The following TSHZ2 variants were observed in gnomAD, a reference collection of about 807,000 sequenced individuals.
TSHZ2 encodes teashirt zinc finger homeobox 2, also known as teashirt homolog 2.
TSHZ2 carries 21 observed loss-of-function variants against 74.4 expected under a neutral mutation model. That is an observed-to-expected ratio of 0.28 (90% CI 0.20 to 0.41). TSHZ2 has a LOEUF of 0.41. Among genes scored for constraint, TSHZ2 ranks in the 10% least tolerant of loss-of-function variants. TSHZ2 has a pLI of 1.00. For synonymous variants in TSHZ2, 540 were observed against 515.3 expected (o/e 1.05, Z -0.65); for missense variants, 1,244 against 1,293.5 (o/e 0.96, Z 0.59).
At chr20:53,095,927 A>G (rs986303861) in intron 1 of TSHZ2, among the ~76,000 whole-genome samples, 5 of 152,130 alleles carry the variant, frequency 3.3e-5, no homozygotes, top group Admixed American at 1.3e-4. Flanking sequence ...AGCCACTCCT[A>G]GGGCTGGGCT....
rs1985760047 is a variant in TSHZ2 at position 53,088,297 on chromosome 20, C to T, written c.40+114964C>T. On this transcript the variant is annotated intron_variant, in intron 1 of 2. Transcript: ENST00000371497. ...AGTGAACAGAATGTACACAATTCTGCTCTCATGGAATTTATAGTCTACTGG... is the reference window on the plus strand; with the variant it reads ...AGTGAACAGAATGTACACAATTCTGTTCTCATGGAATTTATAGTCTACTGG... Among the ~76,000 whole-genome samples, 5 of 152,140 alleles carry T rather than the reference C, an allele frequency of 3.3e-5. No homozygotes were observed. In the South Asian group the frequency reaches 1.0e-3, roughly 32 times the overall value.
intron 1 of TSHZ2, among the ~76,000 whole-genome samples, chr20:53,006,967 A>C (rs1020474111): frequency 6.6e-6 from 1 of 152,196 alleles, no homozygotes; most frequent in African/African-American, 2.4e-5. Flanking sequence ...GAGCACCTAC[A>C]ATGTGCAAGT....
intron 2 of TSHZ2, among the ~76,000 whole-genome samples, chr20:53,470,713 C>T (rs1480461096): frequency 3.9e-5 from 6 of 151,978 alleles, no homozygotes; most frequent in Non-Finnish European, 8.8e-5. Flanking sequence ...ACTCAGAAGG[C>T]TAAGACAGAG....
At chr20:53,013,097 T>C (rs1042726580) in intron 1 of TSHZ2, among the ~76,000 whole-genome samples, 12 of 152,224 alleles carry the variant, frequency 7.9e-5, no homozygotes, top group African/African-American at 2.7e-4. Context: ...CTCAGTGTGA[T>C]TGGAGTTTTA....
At chr20:52,979,363 T>C (rs1177746251) in intron 1 of TSHZ2, among the ~76,000 whole-genome samples, 1 of 152,172 alleles carries the variant, frequency 6.6e-6, no homozygotes, top group Non-Finnish European at 1.5e-5. Flanking sequence ...TGCAAACTAA[T>C]GAGAAAGCAC....
At chr20:53,233,522 A>C (rs6512875) in intron 1 of TSHZ2, among the ~76,000 whole-genome samples, 76 of 152,326 alleles carry the variant, frequency 5.0e-4, no homozygotes, top group Non-Finnish European at 9.4e-4. Context: ...TTTTCTCATA[A>C]ATGTCCTCAG....
intron 1 of TSHZ2, among the ~76,000 whole-genome samples, chr20:52,977,077 C>T (rs1375584285): frequency 6.6e-6 from 1 of 152,142 alleles, no homozygotes; most frequent in African/African-American, 2.4e-5. Context: ...ACATAGTCAA[C>T]AGGGACAACT....
intron 2 of TSHZ2, among the ~76,000 whole-genome samples, chr20:53,302,241 G>T (rs1978340935): frequency 6.6e-6 from 1 of 152,074 alleles, no homozygotes; most frequent in Non-Finnish European, 1.5e-5. Context: ...AGTACATGGG[G>T]GTGTCCTAGC....
chr20:53,421,495 T>A, intron 2 of TSHZ2: 1 of 231,476 alleles, frequency 4.3e-6, no homozygotes, highest in Non-Finnish European at 9.0e-6. Context: ...TGGTTCCCAG[T>A]TTTTCATCTG....
chr20:53,072,991 A>ATCCATCCCTCCCTCCC lies in TSHZ2; in HGVS notation c.40+99673_40+99674insCTCCATCCCTCCCTCC, dbSNP rs1340654425. On this transcript the variant is annotated intron_variant, in intron 1 of 2. Coordinates refer to ENST00000371497, the MANE Select transcript of TSHZ2 (RefSeq NM_173485.6). ...TATCCCTCCATCCATCCCTCCCTTC[A>ATCCATCCCTCCCTCCC]TCCATCCCTCCCTCCATCCATCCCT... Among the ~76,000 whole-genome samples, 93 of 146,538 alleles carry ATCCATCCCTCCCTCCC rather than the reference A, an allele frequency of 6.3e-4. 3 individuals are homozygous for ATCCATCCCTCCCTCCC. The South Asian group carries it at 0.02, about 32-fold the overall frequency.
At chr20:53,246,685 T>G (rs1990213894) in intron 1 of TSHZ2, among the ~76,000 whole-genome samples, 1 of 152,210 alleles carries the variant, frequency 6.6e-6, no homozygotes, top group South Asian at 2.1e-4. Flanking sequence ...ATTTCTTGAT[T>G]AAATGAATAA....
intron 2 of TSHZ2, among the ~76,000 whole-genome samples, chr20:53,460,446 C>T (rs143549015): frequency 0.01 from 1,585 of 152,280 alleles, 32 homozygotes; most frequent in African/African-American, 0.036. Flanking sequence ...GTTATGCATT[C>T]TTCTAAAGTT....
At chr20:53,192,129 G>A (rs1282808323) in intron 1 of TSHZ2, among the ~76,000 whole-genome samples, 1 of 152,224 alleles carries the variant, frequency 6.6e-6, no homozygotes, top group African/African-American at 2.4e-5. Flanking sequence ...ACAGGGAAAT[G>A]GAGGCTCAGA....
At chr20:53,005,849 G>C (rs1378510884) in intron 1 of TSHZ2, among the ~76,000 whole-genome samples, 2 of 152,110 alleles carry the variant, frequency 1.3e-5, no homozygotes, top group Non-Finnish European at 2.9e-5. Flanking sequence ...TGAAATTTAA[G>C]ATAAGATAAG....
At chr20:53,352,900 C>T (rs759661035) in intron 2 of TSHZ2, among the ~76,000 whole-genome samples, 5 of 151,896 alleles carry the variant, frequency 3.3e-5, no homozygotes, top group Admixed American at 2.0e-4. Flanking sequence ...TCACATGGGC[C>T]GTAGTCTCCA....
At chr20:53,299,674 A>G (rs943871012) in intron 2 of TSHZ2, among the ~76,000 whole-genome samples, 1 of 152,206 alleles carries the variant, frequency 6.6e-6, no homozygotes, top group Non-Finnish European at 1.5e-5. Context: ...GGCCTTTGAC[A>G]CTACTCAGCC....
intron 2 of TSHZ2, among the ~76,000 whole-genome samples, chr20:53,394,757 G>A (rs1457421560): frequency 3.3e-5 from 3 of 90,978 alleles, no homozygotes; most frequent in South Asian, 3.2e-4. Context: ...TAATCAATCT[G>A]TCTCAAAAAA....
intron 2 of TSHZ2, among the ~76,000 whole-genome samples, chr20:53,279,491 G>A (rs1290257523): frequency 6.6e-6 from 1 of 152,164 alleles, no homozygotes; most frequent in Non-Finnish European, 1.5e-5. Context: ...GGCTGGATCA[G>A]GCCCACAGGC....
chr20:53,282,403 T>G (rs1305680334), intron 2 of TSHZ2, among the ~76,000 whole-genome samples: 1 of 152,262 alleles, frequency 6.6e-6, no homozygotes, highest in African/African-American at 2.4e-5. Context: ...GAGAGGGAAC[T>G]GGCATTGACT....
Sources: gnomAD v4.1 joint callset for allele counts (sites outside exome capture counted in the v4.1 genomes callset) on GRCh38, gnomAD v4.1.1 for gene constraint, MANE v1.5 for transcripts, NCBI Gene and HGNC (gene_info 2026-07-23, HGNC 2026-07-21) for gene names.